MMUT: variants seen among roughly 807,000 people sequenced by gnomAD.
The protein encoded by MMUT is methylmalonyl-CoA mutase, mitochondrial.
Under a neutral mutation model 79.9 loss-of-function variants are expected in MMUT, and 79 were observed. The ratio of observed to expected loss-of-function variants is 0.99; its 90% CI spans 0.82 to 1.19. The LOEUF is 1.19. MMUT is among the 50% of genes most tolerant of loss of function. MMUT has a pLI of 0.00. For missense variants in MMUT, 860 were observed against 917.2 expected (o/e 0.94, Z 0.81); for synonymous variants, 273 against 295.7 (o/e 0.92, Z 0.79).
At chr6:49,454,952 G>C (rs1354843540) in intron 4 of MMUT, among the ~76,000 whole-genome samples, 1 of 152,072 alleles carries the variant, frequency 6.6e-6, no homozygotes, top group Non-Finnish European at 1.5e-5. Flanking sequence ...AGCCTGAGGT[G>C]GGAGGAACCC....
chr6:49,440,168 T>C (rs539285497), intron 11 of MMUT, 38 bp downstream of exon 11: 3 of 1,611,656 alleles, frequency 1.9e-6, no homozygotes, highest in South Asian at 2.2e-5. Flanking sequence ...AAGTGACTAG[T>C]AAATACTTTT....
In MMUT at chr6:49,431,772, C is replaced by G. The variant is rs763629567; in HGVS notation, c.2209G>C (p.Asp737His). 7.4e-6 allele frequency: 12 copies of G among 1,614,010 alleles called. No individual in the cohort carries two copies. The highest frequency in any genetic ancestry group is 1.7e-4 in the Middle Eastern group (1 of 6,060). The change falls in exon 13 of 13, where the codon GAT (aspartate) becomes CAT (histidine). Residue 737 changes from aspartate (D) to histidine (H), a missense_variant. Transcript: ENST00000274813. ...TTTTCCAAACACTTCTCAATATCAT[C>G]AAGCACCTGAACGGCAGCCTTTGGA... Reference protein sequence around the residue: ...RIPKAAVQVLDDIEKCLEKKQ... With the variant: ...RIPKAAVQVLHDIEKCLEKKQ...
intron 1 of MMUT, among the ~76,000 whole-genome samples, chr6:49,461,333 A>G (rs1408644365): frequency 6.6e-6 from 1 of 152,208 alleles, no homozygotes; most frequent in African/African-American, 2.4e-5. Flanking sequence ...ATAAGTAAAA[A>G]GTTAAAAATG....
chr6:49,444,593 G>C (rs769123829), intron 9 of MMUT, 46 bp downstream of exon 9: 1 of 1,507,556 alleles, frequency 6.6e-7, no homozygotes, highest in Admixed American at 1.7e-5. Flanking sequence ...AAGCTAAACT[G>C]GTCAACTTTT....
At chr6:49,437,262 C>T (rs1278931603) in intron 11 of MMUT, among the ~76,000 whole-genome samples, 1 of 151,990 alleles carries the variant, frequency 6.6e-6, no homozygotes, top group Non-Finnish European at 1.5e-5. Flanking sequence ...ATAACTCAAT[C>T]CCTAATTTTT....
chr6:49,445,463 T>A (rs936873488), intron 8 of MMUT, among the ~76,000 whole-genome samples: 1 of 152,086 alleles, frequency 6.6e-6, no homozygotes, highest in African/African-American at 2.4e-5. Context: ...TACAGAAAAT[T>A]TATAGTCATC....
At chr6:49,458,605 T>G (rs1220435312) in intron 2 of MMUT, among the ~76,000 whole-genome samples, 1 of 152,186 alleles carries the variant, frequency 6.6e-6, no homozygotes, top group African/African-American at 2.4e-5. Context: ...ATCTACAAGT[T>G]TAGTATTCAA....
Position 49,431,831 on chromosome 6 carries a change from C to G in MMUT, c.2150G>C (p.Gly717Ala). ...PQDYEFLFEV[G>A]VSNVFGPGTR... is the part of the protein sequence containing the mutation. Reference sequence around the variant, plus strand: ...CCCAGGACCAAATACATTGGAAACACCAACTTCAAACAGAAATTCATAATC... The same window carrying G: ...CCCAGGACCAAATACATTGGAAACAGCAACTTCAAACAGAAATTCATAATC... Residue 717 changes from glycine (G) to alanine (A), a missense_variant, in exon 13 of 13, where the codon GGT becomes GCT. By Grantham distance (60) the Gly-to-Ala change is moderately conservative. Coordinates refer to ENST00000274813, the MANE Select transcript of MMUT (RefSeq NM_000255.4). 2 of 1,613,712 alleles carry G rather than the reference C, an allele frequency of 1.2e-6. No homozygotes were observed. The highest frequency in any genetic ancestry group is 1.7e-6 in the Non-Finnish European group (2 of 1,179,672).
intron 11 of MMUT, among the ~76,000 whole-genome samples, chr6:49,437,150 C>T (rs1767152914): frequency 6.6e-6 from 1 of 152,112 alleles, no homozygotes; most frequent in African/African-American, 2.4e-5. Context: ...GTAATGCCTA[C>T]AGATATCAGA....
Position 49,459,034 on chromosome 6 carries a change from G to T in MMUT, c.385+48C>A. 2.6e-6 allele frequency: 4 copies of T among 1,566,450 alleles called. No homozygotes were observed. In the South Asian group the frequency reaches 4.6e-5, roughly 18 times the overall value. On this transcript the variant is annotated intron_variant, in intron 2 of 12. Coordinates refer to ENST00000274813, the MANE Select transcript of MMUT (RefSeq NM_000255.4). ...TAACCCCCAAAAAATAAAAAACTAG[G>T]AGGCATATGACTTATCATAAATATT...
intron 2 of MMUT, 92 bp downstream of exon 2, chr6:49,458,990 A>T: frequency 7.9e-7 from 1 of 1,273,064 alleles, no homozygotes; most frequent in Non-Finnish European, 1.1e-6. Context: ...TATAGAGTGA[A>T]TATCATCTTT....
chr6:49,461,836 G>A (rs759649300), intron 1 of MMUT, among the ~76,000 whole-genome samples: 51 of 151,968 alleles, frequency 3.4e-4, no homozygotes, highest in Admixed American at 9.2e-4. Context: ...AATCCATGGG[G>A]TCCTTGTCAT....
In MMUT at chr6:49,430,657, TAATAC is replaced by T. The variant is rs1283851090; in HGVS notation, c.*1066_*1070del. 2.6e-5 allele frequency: 4 copies of T among 152,222 alleles called. No individual in the cohort carries two copies. Among genetic ancestry groups the T allele is most frequent in the African/African-American group, 9.6e-5 (4 of 41,466 alleles). 9.4% of individuals were successfully genotyped at this position (152,222 alleles called of 1,614,324 possible). On this transcript the variant is annotated 3_prime_UTR_variant, in exon 13 of 13. Coordinates refer to ENST00000274813, the MANE Select transcript of MMUT (RefSeq NM_000255.4). ...CTTTCCAAAAGACTGCTCTCTGATC[TAATAC>T]AATAGAAATTTATTAAAAAAGATAA... is the stretch of plus-strand genomic sequence containing the variant.
chr6:49,458,306 A>T (rs1450252076), intron 2 of MMUT, among the ~76,000 whole-genome samples: 1 of 152,194 alleles, frequency 6.6e-6, no homozygotes, highest in Non-Finnish European at 1.5e-5. Flanking sequence ...AAAGAATGGG[A>T]GAAACAACAA....
At chr6:49,451,789 T>TAAACAGC in intron 5 of MMUT, 75 bp from the exon 6 acceptor site, 2 of 1,424,538 alleles carry the variant, frequency 1.4e-6, no homozygotes, top group Non-Finnish European at 2.0e-6. Context: ...GCAACATGAT[T>TAAACAGC]AAACAGCAAC....
intron 2 of MMUT, 123 bp downstream of exon 2, chr6:49,458,959 T>C (rs1767762616): frequency 1.0e-6 from 1 of 996,866 alleles, no homozygotes; most frequent in Non-Finnish European, 1.4e-6. Context: ...TTTTTCAGAG[T>C]ATAGTCTTTA....
intron 12 of MMUT, among the ~76,000 whole-genome samples, chr6:49,434,997 C>A (rs1316732521): frequency 6.6e-6 from 1 of 152,186 alleles, no homozygotes; most frequent in Non-Finnish European, 1.5e-5. Flanking sequence ...CACAAGGTAG[C>A]TCCTTCTAAA....
intron 10 of MMUT, among the ~76,000 whole-genome samples, chr6:49,441,605 T>C (rs1767275424): frequency 1.3e-5 from 2 of 149,304 alleles, no homozygotes; most frequent in Non-Finnish European, 3.0e-5. Context: ...AGTATAGATA[T>C]ATAATATGTA....
intron 5 of MMUT, 96 bp downstream of exon 5, chr6:49,453,489 G>T (rs1561957315): frequency 3.7e-6 from 2 of 535,610 alleles, no homozygotes; most frequent in African/African-American, 2.0e-5. Context: ...TTAACAGATA[G>T]CTTCTTAATT....
Sources: allele counts gnomAD v4.1 joint callset (sites outside exome capture counted in the v4.1 genomes callset), GRCh38; gene constraint gnomAD v4.1.1; transcripts MANE v1.5; gene names NCBI Gene and HGNC (gene_info 2026-07-23, HGNC 2026-07-21).